The following ANKRD24 variants were observed in gnomAD, a reference collection of about 807,000 sequenced individuals.
The protein encoded by ANKRD24 is ankyrin repeat domain-containing protein 24.
Under a neutral mutation model 127.8 loss-of-function variants are expected in ANKRD24, and 109 were observed. That is an observed-to-expected ratio of 0.85 (90% CI 0.73 to 1.00). The LOEUF (loss-of-function observed/expected upper bound fraction) is 1.00. Ranked by LOEUF, ANKRD24 falls within the 50% of genes least tolerant of loss-of-function variation. The pLI is 0.00. For synonymous variants in ANKRD24, 743 were observed against 671.1 expected, an observed-to-expected ratio of 1.11 and a Z score of -1.66; for missense variants, 1,648 against 1,570.2, an observed-to-expected ratio of 1.05 and a Z score of -0.84.
rs1183380619 is a variant in ANKRD24, at chr19:4,217,807, G to A, written c.2647G>A (p.Ala883Thr). ...GGGCCGGGCACGGGACGCCGCTGAG[G>A]CCCGAGTGGCTGAGCTGCCTGCGGC... is the stretch of plus-strand genomic sequence containing the variant. The part of the protein sequence containing the change: ...ELGRARDAAE[A>T]RVAELPAACE... The change falls in exon 18 of 22, where the codon GCC (alanine) becomes ACC (threonine). Residue 883 changes from alanine (A) to threonine (T), a missense_variant. Coordinates refer to ENST00000318934, the MANE Select transcript of ANKRD24 (RefSeq NM_001393985.1). 3.6e-6 allele frequency: 5 copies of A among 1,379,082 alleles called. No homozygotes were observed. Among genetic ancestry groups the A allele is most frequent in the Non-Finnish European group, 4.7e-6 (5 of 1,071,688 alleles). The allele number at this position is 1,379,082 out of a possible 1,614,324, so 85.4% of individuals were successfully genotyped here. A position where few individuals can be genotyped will look rare whatever the true frequency, so the allele number is the denominator to read the frequency against.
chr19:4,213,189 A>C (rs1255204369), intron 15 of ANKRD24, among the ~76,000 whole-genome samples: 1 of 151,942 alleles, frequency 6.6e-6, no homozygotes, highest in Non-Finnish European at 1.5e-5. Flanking sequence ...ATGTGCACAG[A>C]CACAGAAAGG....
At chr19:4,223,658 G>A (rs528368551) in intron 20 of ANKRD24, among the ~76,000 whole-genome samples, 1 of 151,794 alleles carries the variant, frequency 6.6e-6, no homozygotes, top group African/African-American at 2.4e-5. Flanking sequence ...TCCGCCTCCC[G>A]GGTTCAAGCG....
chr19:4,220,529 T>A (rs1218605128), intron 19 of ANKRD24, among the ~76,000 whole-genome samples: 1 of 152,108 alleles, frequency 6.6e-6, no homozygotes, highest in Non-Finnish European at 1.5e-5. Flanking sequence ...AGATTGGGAA[T>A]TTTTCACACA....
At position 4,212,633 on chromosome 19, in the gene ANKRD24, C is replaced by T; in HGVS notation, c.1132C>T (p.Gln378Ter). The change falls in exon 15 of 22, where the codon CAA (glutamine) becomes TAA (stop). Residue 378 changes from glutamine (Q) to a stop codon, truncating the protein, a stop_gained. Coordinates refer to ENST00000318934, the MANE Select transcript of ANKRD24 (RefSeq NM_001393985.1). LOFTEE classifies it high-confidence loss of function. The part of the protein sequence containing the change: ...QELQQLLVER[Q>*]EEKESLGREV... The stretch of plus-strand genomic sequence containing the variant: ...GCTACAGCAGTTGCTGGTGGAGAGA[C>T]AAGAGGAGAAGGAGAGCCTGGGACG... 6.4e-7 allele frequency: 1 copy of T among 1,551,228 alleles called. No individual in the cohort carries two copies. Among genetic ancestry groups the T allele is most frequent in the Non-Finnish European group, 8.7e-7 (1 of 1,147,002 alleles).
rs1225231974 is a variant in ANKRD24 at position 4,194,821 on chromosome 19, A to G, written c.37-4862A>G. On this transcript the variant is annotated intron_variant, in intron 2 of 21. Transcript: ENST00000318934. The stretch of plus-strand genomic sequence containing the variant: ...GGTGAGAAGGGGCAGAACAGGACAC[A>G]GTGTGCAGCCAGTGGGCTTGGCCGG... Among the ~76,000 whole-genome samples the G allele has an allele frequency of 2.6e-5, 4 of 152,088 alleles. No individual in the cohort carries two copies. In the South Asian group the frequency reaches 8.3e-4, roughly 32 times the overall value.
rs1355803508 is a variant in ANKRD24 at position 4,224,558 on chromosome 19, C to G, written c.*53C>G. On this transcript the variant is annotated 3_prime_UTR_variant, in exon 22 of 22. Transcript: ENST00000318934. ...ACCACACCCACGCAGGGACCTCACC[C>G]CCCTGCAGGCCCCTTGCAGACCGGC... The G allele has an allele frequency of 2.0e-6, 3 of 1,485,542 alleles. No individual in the cohort carries two copies. Among genetic ancestry groups the G allele is most frequent in the East Asian group, 4.9e-5 (2 of 41,170 alleles). The allele number at this position is 1,485,542 out of a possible 1,614,324, so 92.0% of individuals were successfully genotyped here.
Position 4,217,455 on chromosome 19 carries a change from A to G in ANKRD24, c.2295A>G (p.Arg765=). The G allele has an allele frequency of 6.6e-7, 1 of 1,510,706 alleles. No homozygotes were observed. Among genetic ancestry groups the G allele is most frequent in the Non-Finnish European group, 8.8e-7 (1 of 1,132,040 alleles). The allele number at this position is 1,510,706 out of a possible 1,614,324, so 93.6% of individuals were successfully genotyped here. A position where few individuals can be genotyped will look rare whatever the true frequency, so the allele number is the denominator to read the frequency against. ...CGGAGGCCGAGGCAGGCCGGCTGCGAGAGCGTGTCCGCGAGGCCGAGGGCA... is the reference window on the plus strand; with the variant it reads ...CGGAGGCCGAGGCAGGCCGGCTGCGGGAGCGTGTCCGCGAGGCCGAGGGCA... ...EAAEAEAGRL[R]ERVREAEGSG... The change falls in exon 18 of 22, where the codon CGA becomes CGG. Residue 765 remains arginine, a synonymous_variant. Coordinates refer to ENST00000318934, the MANE Select transcript of ANKRD24 (RefSeq NM_001393985.1).
At chr19:4,188,406 CAG>C (rs773833740) in intron 2 of ANKRD24, among the ~76,000 whole-genome samples, 73 of 100,184 alleles carry the variant, frequency 7.3e-4, no homozygotes, top group South Asian at 1.6e-3. Context: ...TTTTTTGAGA[CAG>C]AGTCTCTTTC....
chr19:4,199,668 C>T lies in ANKRD24; in HGVS notation c.37-15C>T. On this transcript the variant is annotated splice_polypyrimidine_tract_variant and intron_variant, in intron 2 of 21. Transcript: ENST00000318934. This position sits in a 1 kb window ranked among gnomAD's most constrained non-coding sequence, Gnocchi z 5.2. ...GTCTGAGGACCCCCTCGCCCAGGAC[C>T]ACCTCCCCCTGCAGCTGCGGCTCAG... 1.3e-6 allele frequency: 2 copies of T among 1,520,922 alleles called. No individual in the cohort carries two copies. The highest frequency in any genetic ancestry group is 1.8e-6 in the Non-Finnish European group (2 of 1,138,762). The allele number at this position is 1,520,922 out of a possible 1,614,324, so 94.2% of individuals were successfully genotyped here.
At chr19:4,185,577 C>T (rs1968014727) in intron 1 of ANKRD24, among the ~76,000 whole-genome samples, 1 of 152,198 alleles carries the variant, frequency 6.6e-6, no homozygotes, top group African/African-American at 2.4e-5. Context: ...CGTGCCTGCC[C>T]ATGCGGAACG....
chr19:4,196,710 G>C lies in ANKRD24; in HGVS notation c.37-2973G>C, dbSNP rs140468031. Among the ~76,000 whole-genome samples the C allele has an allele frequency of 2.0e-3, 298 of 152,304 alleles. 1 individual carries two copies. The highest frequency in any genetic ancestry group is 6.8e-3 in the African/African-American group (283 of 41,570). Reference sequence around the variant, plus strand: ...CTTCTAAAATGCCAATTACCTGCAAGGGTCTTGGCTGTGCCCCAGAGTCTC... The same window carrying C: ...CTTCTAAAATGCCAATTACCTGCAACGGTCTTGGCTGTGCCCCAGAGTCTC... On this transcript the variant is annotated intron_variant, in intron 2 of 21. Transcript: ENST00000318934.
rs1240360996 is a variant in ANKRD24 at position 4,223,380 on chromosome 19, T to C, written c.3297+585T>C. Among the ~76,000 whole-genome samples the C allele has an allele frequency of 1.8e-3, 69 of 38,902 alleles. 4 individuals are homozygous for C. Among genetic ancestry groups the C allele is most frequent in the African/African-American group, 6.7e-3 (65 of 9,638 alleles). The allele number at this position is 38,902 out of a possible 152,430, so 25.5% of individuals were successfully genotyped here. ...CAAAGTGCCTGGCCATACATATATA[T>C]ATATATATATATATATATATATTTT... On this transcript the variant is annotated intron_variant, in intron 20 of 21. Transcript: ENST00000318934.
At chr19:4,203,329 G>A (rs1486927392) in intron 7 of ANKRD24, among the ~76,000 whole-genome samples, 5 of 152,014 alleles carry the variant, frequency 3.3e-5, no homozygotes, top group African/African-American at 7.2e-5. Flanking sequence ...GATTACAGGC[G>A]TGAGCCACCG....
rs1045886446 is a variant in ANKRD24 at position 4,207,894 on chromosome 19, A to G, written c.758A>G (p.Tyr253Cys). The G allele has an allele frequency of 5.8e-6, 9 of 1,558,974 alleles. No individual in the cohort carries two copies. The highest frequency in any genetic ancestry group is 1.2e-5 in the South Asian group (1 of 83,110). ...TDALGQDAAH[Y>C]GALAGDKLIL... ...GCGCTGGGGCAGGACGCGGCTCACT[A>G]TGGCGCCCTGGCGGGGGACAAACTC... Residue 253 changes from tyrosine to cysteine, a missense_variant, in exon 10 of 22, where the codon TAT becomes TGT. Coordinates refer to ENST00000318934, the MANE Select transcript of ANKRD24 (RefSeq NM_001393985.1).
intron 20 of ANKRD24, among the ~76,000 whole-genome samples, chr19:4,223,372 C>CATACATATAT (rs1490877860): frequency 6.9e-5 from 5 of 72,922 alleles, no homozygotes; most frequent in African/African-American, 2.8e-4. Context: ...CCTGGCCATA[C>CATACATATAT]ATATATATAT....
Position 4,195,221 on chromosome 19 carries a change from C to CT in ANKRD24, c.37-4462_37-4461insT, listed in dbSNP as rs1555712618. Among the ~76,000 whole-genome samples, 5 of 151,986 alleles carry CT rather than the reference C, an allele frequency of 3.3e-5. 1 individual carries two copies. In the Middle Eastern group the frequency reaches 0.017, roughly 517 times the overall value. ...CCGAGTAGCTGGGACTACAGGCGCC[C>CT]ACCACCACGCCCGGCTAATTTTTTG... On this transcript the variant is annotated intron_variant, in intron 2 of 21. Transcript: ENST00000318934. The surrounding 1 kb of genome is among the most constrained non-coding windows in gnomAD (Gnocchi z 4.2).
rs1000660100 is a variant in ANKRD24, at chr19:4,186,528, G to A, written c.36+67G>A. ...TCAGCCTTCTGTCTCCTGGGGCTTGGCTGAAGATCCACCCTTTCATTCCAG... is the reference window on the plus strand; with the variant it reads ...TCAGCCTTCTGTCTCCTGGGGCTTGACTGAAGATCCACCCTTTCATTCCAG... On this transcript the variant is annotated intron_variant, in intron 2 of 21. Coordinates refer to ENST00000318934, the MANE Select transcript of ANKRD24 (RefSeq NM_001393985.1). 2.9e-5 allele frequency: 44 copies of A among 1,529,706 alleles called. No homozygotes were observed. In the African/African-American group the frequency reaches 6.1e-4, roughly 21 times the overall value. The allele number at this position is 1,529,706 out of a possible 1,614,324, so 94.8% of individuals were successfully genotyped here.
Position 4,222,795 on chromosome 19 carries a change from G to A in ANKRD24, c.3297G>A (p.Gln1099=). The stretch of plus-strand genomic sequence containing the variant: ...TGAAGGATTTACAGCAGCAGCTGCA[G>A]GTAAGGACTGGGCCACGCAGGGGCC... ...DQVKDLQQQL[Q]EAARDHSSVV... is the part of the protein sequence containing the mutation. The change falls in exon 20 of 22, where the codon CAG becomes CAA. Residue 1099 remains glutamine (Q), a splice_region_variant and synonymous_variant. Transcript: ENST00000318934. 6.2e-7 allele frequency: 1 copy of A among 1,605,092 alleles called. No homozygotes were observed. The highest frequency in any genetic ancestry group is 2.2e-5 in the East Asian group (1 of 44,528).
At chr19:4,212,207 A>T (rs935673958) in intron 13 of ANKRD24, among the ~76,000 whole-genome samples, 1 of 152,132 alleles carries the variant, frequency 6.6e-6, no homozygotes, top group Non-Finnish European at 1.5e-5. Flanking sequence ...CTCAAAAAAA[A>T]AGATAAATAA....
Sources: gnomAD v4.1 joint callset for allele counts (sites outside exome capture counted in the v4.1 genomes callset) on GRCh38, gnomAD v4.1.1 for gene constraint, Gnocchi (gnomAD v3.1) non-coding constraint, MANE v1.5 for transcripts, NCBI Gene and HGNC (gene_info 2026-07-23, HGNC 2026-07-21) for gene names.